The following NEO1 variants were observed in gnomAD, a reference collection of about 807,000 sequenced individuals.
NEO1 encodes neogenin 1.
A neutral mutation model predicts 159.7 loss-of-function variants in NEO1; 63 were observed. The observed-to-expected ratio is 0.39, with a 90% CI of 0.32 to 0.49. NEO1 has a LOEUF of 0.49. NEO1 is among the 20% of genes least tolerant of loss of function. The probability of loss-of-function intolerance (pLI) is 0.85; values close to 1 mark genes in which losing one functional copy is unlikely to be tolerated. For missense variants in NEO1, 1,615 were observed against 1,831.0 expected, an observed-to-expected ratio of 0.88 and a Z score of 2.15; for synonymous variants, 633 against 662.0, an observed-to-expected ratio of 0.96 and a Z score of 0.67.
At chr15:73,064,747 G>C (rs2068131500) in intron 1 of NEO1, among the ~76,000 whole-genome samples, 1 of 152,136 alleles carries the variant, frequency 6.6e-6, no homozygotes, top group South Asian at 2.1e-4. Context: ...GATTACAGAT[G>C]TGAGCCACTA....
chr15:73,259,119 G>A (rs1224067403), intron 14 of NEO1: 1 of 337,518 alleles, frequency 3.0e-6, no homozygotes, highest in Non-Finnish European at 5.5e-6. Flanking sequence ...CTATAAGTTG[G>A]ATTTTTTTTT....
intron 14 of NEO1, chr15:73,259,118 G>T: frequency 3.0e-6 from 1 of 337,502 alleles, no homozygotes; most frequent in Non-Finnish European, 5.5e-6. Flanking sequence ...GCTATAAGTT[G>T]GATTTTTTTT....
chr15:73,117,858 T>TAAGA (rs2071412476), intron 2 of NEO1, among the ~76,000 whole-genome samples: 2 of 152,010 alleles, frequency 1.3e-5, no homozygotes, highest in Admixed American at 1.3e-4. Flanking sequence ...CCCTTTTCTT[T>TAAGA]CCTTCCTTCT....
intron 1 of NEO1, among the ~76,000 whole-genome samples, chr15:73,056,875 C>T (rs1429076397): frequency 6.6e-6 from 1 of 152,140 alleles, no homozygotes; most frequent in Admixed American, 6.5e-5. Context: ...GATGGCGTTG[C>T]TCTGCCTGTC....
chr15:73,238,438 C>T (rs555096384), intron 8 of NEO1, among the ~76,000 whole-genome samples: 57 of 151,702 alleles, frequency 3.8e-4, no homozygotes, highest in Middle Eastern at 6.8e-3. Context: ...TAAGTTAATA[C>T]ATTAATTTCA....
intron 7 of NEO1, among the ~76,000 whole-genome samples, chr15:73,194,187 A>G (rs759964779): frequency 2.6e-5 from 4 of 152,176 alleles, no homozygotes; most frequent in Non-Finnish European, 5.9e-5. Context: ...GAGTGGCTTT[A>G]GAGAGGAAAA....
rs139400180 is a variant in NEO1 at position 73,150,774 on chromosome 15, C to T, written c.1015+14747C>T. ...TATTACCACCACTGCAGAAAGTTTCCACATTCCTCTTCTCAGTAAATCCTC... is the reference window on the plus strand; with the variant it reads ...TATTACCACCACTGCAGAAAGTTTCTACATTCCTCTTCTCAGTAAATCCTC... On this transcript the variant is annotated intron_variant, in intron 5 of 28. Transcript: ENST00000261908. Among the ~76,000 whole-genome samples, 933 of 152,230 alleles carry T rather than the reference C, an allele frequency of 6.1e-3. 13 individuals carry two copies. The highest frequency in any genetic ancestry group is 0.021 in the African/African-American group (888 of 41,526).
At chr15:73,117,797 A>G (rs781473947) in intron 2 of NEO1, among the ~76,000 whole-genome samples, 2 of 152,144 alleles carry the variant, frequency 1.3e-5, no homozygotes, top group Non-Finnish European at 2.9e-5. Context: ...ATAATCATAG[A>G]TTGAGGATGG....
intron 21 of NEO1, among the ~76,000 whole-genome samples, chr15:73,277,356 G>C (rs984905544): frequency 6.6e-6 from 1 of 152,196 alleles, no homozygotes; most frequent in African/African-American, 2.4e-5. Context: ...TAAATGTGAA[G>C]AGCAAAATTC....
chr15:73,092,293 G>A (rs989128091), intron 1 of NEO1, among the ~76,000 whole-genome samples: 25 of 152,152 alleles, frequency 1.6e-4, no homozygotes, highest in Non-Finnish European at 5.9e-5. Context: ...AGTGTCAGCT[G>A]CTGTAGTTGA....
intron 1 of NEO1, among the ~76,000 whole-genome samples, chr15:73,079,626 G>A (rs1172566819): frequency 3.3e-5 from 5 of 151,596 alleles, no homozygotes; most frequent in East Asian, 1.9e-4. Context: ...TTTTTCACTC[G>A]GATACATAGT....
intron 22 of NEO1, among the ~76,000 whole-genome samples, chr15:73,281,560 G>A (rs2041715521): frequency 6.6e-6 from 1 of 152,140 alleles, no homozygotes; most frequent in African/African-American, 2.4e-5. Context: ...CAAGCCAAGA[G>A]ATTTTTTTTT....
chr15:73,204,868 A>G (rs984503192), intron 7 of NEO1, among the ~76,000 whole-genome samples: 5 of 152,120 alleles, frequency 3.3e-5, no homozygotes, highest in African/African-American at 1.2e-4. Context: ...AACTGAGATA[A>G]ATAGGCCTTT....
At chr15:73,296,373 G>C (rs2042370551) in intron 26 of NEO1, among the ~76,000 whole-genome samples, 1 of 152,128 alleles carries the variant, frequency 6.6e-6, no homozygotes, top group Non-Finnish European at 1.5e-5. Flanking sequence ...CCGTGGGGAT[G>C]GCTAGCTTGA....
At chr15:73,301,833 AT>A in intron 28 of NEO1, among the ~76,000 whole-genome samples, 1 of 151,792 alleles carries the variant, frequency 6.6e-6, no homozygotes. Flanking sequence ...ATGCCTGGCT[AT>A]TGTTTTGTAT....
At chr15:73,237,575 ATACCAG>A (rs2039247620) in intron 8 of NEO1, among the ~76,000 whole-genome samples, 4 of 152,226 alleles carry the variant, frequency 2.6e-5, no homozygotes, top group African/African-American at 9.6e-5. Flanking sequence ...ATTGTAGTTA[ATACCAG>A]ACTGGCAAGT....
intron 1 of NEO1, among the ~76,000 whole-genome samples, chr15:73,080,404 G>T (rs747546695): frequency 2.3e-4 from 35 of 152,172 alleles, no homozygotes; most frequent in Non-Finnish European, 1.2e-4. Context: ...TTAAGTTGGT[G>T]AGCCCTGGAT....
chr15:73,218,866 A>C (rs1015247704), intron 7 of NEO1, among the ~76,000 whole-genome samples: 1 of 152,136 alleles, frequency 6.6e-6, no homozygotes, highest in African/African-American at 2.4e-5. Flanking sequence ...ATCCTTTCAA[A>C]AAACCAGCTC....
intron 22 of NEO1, among the ~76,000 whole-genome samples, chr15:73,279,321 C>CATGCATGT (rs1567678751): frequency 7.6e-6 from 1 of 132,412 alleles, no homozygotes; most frequent in Non-Finnish European, 1.7e-5. Context: ...TTCACTCATG[C>CATGCATGT]ATGCATGTTT....
Sources: allele counts gnomAD v4.1 joint callset (sites outside exome capture counted in the v4.1 genomes callset), GRCh38; gene constraint gnomAD v4.1.1; transcripts MANE v1.5; gene names NCBI Gene and HGNC (gene_info 2026-07-23, HGNC 2026-07-21).